Variants in MYO18B observed in about 807,000 individuals in gnomAD.
MYO18B encodes the protein unconventional myosin-XVIIIb.
A neutral mutation model predicts 273.0 loss-of-function variants in MYO18B; 204 were observed. That is an observed-to-expected ratio of 0.75 (90% CI 0.67 to 0.84). The LOEUF (loss-of-function observed/expected upper bound fraction) is 0.84, where lower values mean the gene tolerates loss of function less well. Among genes scored for constraint, MYO18B ranks in the 40% least tolerant of loss-of-function variants. The pLI is 0.00. For missense variants in MYO18B, 3,212 were observed against 3,287.6 expected (o/e 0.98, Z 0.56); for synonymous variants, 1,330 against 1,305.7 (o/e 1.02, Z -0.40).
At chr22:26,023,516 C>T (rs990807308) in intron 42 of MYO18B, among the ~76,000 whole-genome samples, 2 of 151,760 alleles carry the variant, frequency 1.3e-5, no homozygotes, top group South Asian at 2.1e-4. Context: ...CTCCTCCTCC[C>T]TCCTCCTCTT....
chr22:26,006,503 A>G (rs2016904), intron 42 of MYO18B: 16,438 of 299,472 alleles, frequency 0.055, 1,664 homozygotes, highest in African/African-American at 0.25. Flanking sequence ...GCACTGGATT[A>G]GAAAGCATAA....
chr22:25,849,711 C>T (rs914059277), intron 20 of MYO18B, among the ~76,000 whole-genome samples: 4 of 152,138 alleles, frequency 2.6e-5, no homozygotes, highest in Non-Finnish European at 4.4e-5. Context: ...TCTCACCAGC[C>T]GTGTGACCCC....
At chr22:25,922,878 A>G (rs558813642) in intron 34 of MYO18B, among the ~76,000 whole-genome samples, 196 of 152,358 alleles carry the variant, frequency 1.3e-3, no homozygotes, top group Non-Finnish European at 2.2e-3. Context: ...TCGCTTAACT[A>G]GAAGACCTCA....
At chr22:25,758,608 C>G (rs1250882223) in intron 1 of MYO18B, among the ~76,000 whole-genome samples, 1 of 152,002 alleles carries the variant, frequency 6.6e-6, no homozygotes, top group Non-Finnish European at 1.5e-5. Context: ...GGTAAATGAC[C>G]AAATACTTTA....
chr22:25,982,329 G>C (rs975848424), intron 39 of MYO18B, among the ~76,000 whole-genome samples: 1 of 152,206 alleles, frequency 6.6e-6, no homozygotes, highest in Non-Finnish European at 1.5e-5. Flanking sequence ...CAGTGAGCCT[G>C]CTTGGAAGGG....
At position 25,907,259 on chromosome 22, in the gene MYO18B, T is replaced by C. The variant is rs373137936; in HGVS notation, c.5149-1063T>C. Among the ~76,000 whole-genome samples, 303 of 152,350 alleles carry C rather than the reference T, an allele frequency of 2.0e-3. 1 individual carries two copies. The highest frequency in any genetic ancestry group is 6.9e-3 in the African/African-American group (287 of 41,596). The stretch of plus-strand genomic sequence containing the variant: ...AGTCTTGAACTAGACCTAGAACTCA[T>C]GACTTTTTTGCCTTCCACTCTAGAA... On this transcript the variant is annotated intron_variant, in intron 31 of 43. Coordinates refer to ENST00000335473, the MANE Select transcript of MYO18B (RefSeq NM_032608.7).
At chr22:25,935,118 C>T (rs900627528) in intron 34 of MYO18B, among the ~76,000 whole-genome samples, 1 of 152,262 alleles carries the variant, frequency 6.6e-6, no homozygotes, top group East Asian at 1.9e-4. Flanking sequence ...ATGTAGAGTC[C>T]AATTAACAAG....
At position 25,946,195 on chromosome 22, in the gene MYO18B, C is replaced by G. The variant is rs554386217; in HGVS notation, c.5576C>G (p.Ala1859Gly). Reference protein sequence around the residue: ...EALKTQKVLTADLESMHSELE... With the variant: ...EALKTQKVLTGDLESMHSELE... ...TTGAAGACGCAGAAGGTGCTCACAGCGGACCTGGAGAGCATGCACAGCGAG... is the reference window on the plus strand; with the variant it reads ...TTGAAGACGCAGAAGGTGCTCACAGGGGACCTGGAGAGCATGCACAGCGAG... Residue 1859 changes from alanine to glycine, a missense_variant, in exon 35 of 44, where the codon GCG (alanine) becomes GGG (glycine). By Grantham distance (60) the Ala-to-Gly change is moderately conservative (BLOSUM62 0). Coordinates refer to ENST00000335473, the MANE Select transcript of MYO18B (RefSeq NM_032608.7). 1.9e-6 allele frequency: 3 copies of G among 1,583,962 alleles called. No homozygotes were observed. The Admixed American group carries it at 5.4e-5, about 28-fold the overall frequency.
At chr22:25,791,545 A>C (rs1265626639) in intron 11 of MYO18B, among the ~76,000 whole-genome samples, 1 of 152,150 alleles carries the variant, frequency 6.6e-6, no homozygotes, top group Non-Finnish European at 1.5e-5. Flanking sequence ...ATACATCTGA[A>C]ATCACAAAGC....
At chr22:26,002,698 C>G (rs897257601) in intron 40 of MYO18B, among the ~76,000 whole-genome samples, 17 of 152,150 alleles carry the variant, frequency 1.1e-4, no homozygotes, top group Admixed American at 8.5e-4. Context: ...AGCTGTGTGA[C>G]TTAGACAAGT....
intron 11 of MYO18B, among the ~76,000 whole-genome samples, chr22:25,787,269 C>CGT (rs1416801039): frequency 2.0e-5 from 1 of 51,052 alleles, no homozygotes; most frequent in Non-Finnish European, 3.8e-5. Context: ...CGTGCAGGCG[C>CGT]GCGCACACAC....
chr22:25,750,685 GAACCAA>G (rs1165282548), intron 1 of MYO18B, among the ~76,000 whole-genome samples: 2 of 152,172 alleles, frequency 1.3e-5, no homozygotes, highest in East Asian at 3.9e-4. Flanking sequence ...AATTAATAAA[GAACCAA>G]ATAGTGACCT....
At chr22:25,762,575 G>A (rs914363824) in intron 2 of MYO18B, among the ~76,000 whole-genome samples, 2 of 152,228 alleles carry the variant, frequency 1.3e-5, no homozygotes, top group African/African-American at 4.8e-5. Context: ...CCGTATTTCT[G>A]GGGGGTAAAA....
At chr22:25,813,066 CT>C (rs1228593437) in intron 12 of MYO18B, among the ~76,000 whole-genome samples, 1 of 150,646 alleles carries the variant, frequency 6.6e-6, no homozygotes, top group Non-Finnish European at 1.5e-5. Context: ...TCTTCCCTTC[CT>C]TCTTTCTCTC....
At chr22:25,848,907 C>T (rs1038344016) in intron 20 of MYO18B, among the ~76,000 whole-genome samples, 1 of 152,188 alleles carries the variant, frequency 6.6e-6, no homozygotes, top group Admixed American at 6.5e-5. Context: ...TCGCTTCTCC[C>T]ATCTCCCCCT....
At chr22:25,783,326 G>A (rs1264995357) in intron 10 of MYO18B, among the ~76,000 whole-genome samples, 1 of 152,204 alleles carries the variant, frequency 6.6e-6, no homozygotes, top group Non-Finnish European at 1.5e-5. Flanking sequence ...TGCCAACCCC[G>A]TAGGCATTTA....
At chr22:25,924,332 G>C (rs2092390542) in intron 34 of MYO18B, among the ~76,000 whole-genome samples, 1 of 152,240 alleles carries the variant, frequency 6.6e-6, no homozygotes, top group South Asian at 2.1e-4. Flanking sequence ...TAAGTGCTGA[G>C]CATGGTGCTG....
In MYO18B at chr22:25,835,312, G is replaced by C; in HGVS notation, c.3077G>C (p.Gly1026Ala). The C allele has an allele frequency of 6.2e-7, 1 of 1,613,894 alleles. No individual in the cohort carries two copies. The highest frequency in any genetic ancestry group is 1.3e-5 in the African/African-American group (1 of 75,058). Residue 1026 changes from glycine (G) to alanine (A), a missense_variant, in exon 17 of 44, where the codon GGA becomes GCA. Coordinates refer to ENST00000335473, the MANE Select transcript of MYO18B (RefSeq NM_032608.7). ...TCCCAGCAGGTCCGCTTACCAGCTG[G>C]AGGAGGTGCCCAGGATGCCAGAGGC... ...QNPSQVRLPA[G>A]GGAQDARGLF...
At chr22:26,041,751 A>G in the MYO18B span, among the ~76,000 whole-genome samples, 1 of 152,212 alleles carries the variant, frequency 6.6e-6, no homozygotes, top group East Asian at 1.9e-4. Context: ...CCAGAGTGGT[A>G]GCAGTGCAGG....
Sources: allele counts gnomAD v4.1 joint callset (sites outside exome capture counted in the v4.1 genomes callset), GRCh38; gene constraint gnomAD v4.1.1; transcripts MANE v1.5; gene names NCBI Gene and HGNC (gene_info 2026-07-23, HGNC 2026-07-21).